SART1: variants seen among roughly 807,000 people sequenced by gnomAD.
SART1 encodes spliceosome associated factor 1, recruiter of U4/U6.U5 tri-snRNP.
A neutral mutation model predicts 105.0 loss-of-function variants in SART1; 28 were observed. The observed-to-expected ratio is 0.27, with a 90% CI of 0.20 to 0.37. SART1 has a LOEUF of 0.37. SART1 is among the 10% of genes least tolerant of loss of function. SART1 has a pLI of 1.00. For missense variants in SART1, 894 were observed against 1,106.5 expected (o/e 0.81, Z 2.72); for synonymous variants, 472 against 462.9 (o/e 1.02, Z -0.25).
In SART1 at chr11:65,965,138, T is replaced by G; in HGVS notation, c.474T>G (p.Pro158=). 1.9e-6 allele frequency: 3 copies of G among 1,600,610 alleles called. No homozygotes were observed. Among genetic ancestry groups the G allele is most frequent in the Non-Finnish European group, 2.5e-6 (3 of 1,176,848 alleles). The change falls in exon 4 of 20, where the codon CCT becomes CCG. Residue 158 remains proline, a synonymous_variant. Transcript: ENST00000312397. ...CCGTGACAGCTGATGTCATCAACCCTATGGCCTTGCGACAGCGAGAGGAGC... is the reference window on the plus strand; with the variant it reads ...CCGTGACAGCTGATGTCATCAACCCGATGGCCTTGCGACAGCGAGAGGAGC... The part of the protein sequence containing the change: ...EEPVTADVIN[P]MALRQREELR...
chr11:65,970,240 G>A (rs1855345512), intron 12 of SART1, among the ~76,000 whole-genome samples: 1 of 152,140 alleles, frequency 6.6e-6, no homozygotes, highest in Non-Finnish European at 1.5e-5. Context: ...GGCGAAATCA[G>A]GGCCTTCTCC....
At position 65,966,419 on chromosome 11, in the gene SART1, T is replaced by G; in HGVS notation, c.1051T>G (p.Leu351Val). The change falls in exon 9 of 20, where the codon TTG becomes GTG. Residue 351 changes from leucine to valine, a missense_variant. Around this residue, in one of 2 missense-constraint regions of SART1, gnomAD observed 712 missense variants for 778.2 expected, o/e 0.91. Coordinates refer to ENST00000312397, the MANE Select transcript of SART1 (RefSeq NM_005146.5). ...AGGGGAGCGGCCACATTCCTTCCGC[T>G]TGGAGCAGGGCGGCACGGCTGATGG... ...LEGERPHSFR[L>V]EQGGTADGLR... 3.1e-6 allele frequency: 5 copies of G among 1,613,872 alleles called. No homozygotes were observed. The highest frequency in any genetic ancestry group is 4.2e-6 in the Non-Finnish European group (5 of 1,180,018).
rs573722961 is a variant in SART1, at chr11:65,978,963, G to A, written c.2384+49G>A. ...GTAGGGTGTGGTGGGGAGGGGTGGC[G>A]TGGCCTGTGCCCGCCTCTGCAGCCT... On this transcript the variant is annotated intron_variant, in intron 19 of 19. Coordinates refer to ENST00000312397, the MANE Select transcript of SART1 (RefSeq NM_005146.5). The surrounding 1 kb of genome is among the most constrained non-coding windows in gnomAD (Gnocchi z 6.8). The A allele has an allele frequency of 4.3e-6, 7 of 1,613,410 alleles. No individual in the cohort carries two copies. In the East Asian group the frequency reaches 8.9e-5, roughly 21 times the overall value.
At position 65,964,401 on chromosome 11, in the gene SART1, A is replaced by C. The variant is rs973172866; in HGVS notation, c.372-114A>C. 29 of 1,282,386 alleles carry C rather than the reference A, an allele frequency of 2.3e-5. No homozygotes were observed. The Middle Eastern group carries it at 3.3e-3, about 147-fold the overall frequency. The allele number at this position is 1,282,386 out of a possible 1,614,324, so 79.4% of individuals were successfully genotyped here. A position where few individuals can be genotyped will look rare whatever the true frequency, so the allele number is the denominator to read the frequency against. On this transcript the variant is annotated intron_variant, in intron 2 of 19. Coordinates refer to ENST00000312397, the MANE Select transcript of SART1 (RefSeq NM_005146.5). ...CAGTGTCCTAGGCTGCCTGGGGCAG[A>C]CTTTGTGTTTGGGACCACTCACTCC...
intron 12 of SART1, among the ~76,000 whole-genome samples, chr11:65,969,981 CA>C (rs912291114): frequency 5.3e-5 from 8 of 152,196 alleles, no homozygotes; most frequent in African/African-American, 1.9e-4. Flanking sequence ...CTCAGCCTCC[CA>C]AAGTGCTGGA....
intron 1 of SART1, among the ~76,000 whole-genome samples, chr11:65,963,847 G>A (rs957593064): frequency 6.6e-6 from 1 of 152,224 alleles, no homozygotes; most frequent in African/African-American, 2.4e-5. Flanking sequence ...CAGTTTGGAT[G>A]TCTTGGGTCA....
Position 65,965,356 on chromosome 11 carries a change from T to C in SART1, c.569T>C (p.Leu190Pro). The part of the protein sequence containing the change: ...LNQKLGKIKT[L>P]GEDDPWLDDT... ...CCCCTCTTCAGGAAGATAAAGACCC[T>C]AGGAGAGGATGACCCCTGGCTGGAC... Residue 190 changes from leucine to proline, a missense_variant, in exon 5 of 20, where the codon CTA becomes CCA. Leu to Pro is a moderately conservative substitution (Grantham distance 98). Around this residue, in one of 2 missense-constraint regions of SART1, gnomAD observed 712 missense variants for 778.2 expected, o/e 0.91. Coordinates refer to ENST00000312397, the MANE Select transcript of SART1 (RefSeq NM_005146.5). The C allele has an allele frequency of 6.3e-7, 1 of 1,591,190 alleles. No individual in the cohort carries two copies. Among genetic ancestry groups the C allele is most frequent in the Non-Finnish European group, 8.6e-7 (1 of 1,168,878 alleles).
chr11:65,964,099 C>G lies in SART1; in HGVS notation c.339C>G (p.Gly113=), dbSNP rs890839912. ...CTGCCAGCTCCAAAACTAGCTCAGG[C>G]GATGCCTCCTCACTCAGCATCGAGG... The part of the protein sequence containing the change: ...EAAASSKTSS[G]DASSLSIEET... The change falls in exon 2 of 20, where the codon GGC becomes GGG. Residue 113 remains glycine (G), a synonymous_variant. Coordinates refer to ENST00000312397, the MANE Select transcript of SART1 (RefSeq NM_005146.5). 1 of 1,612,910 alleles carries G rather than the reference C, an allele frequency of 6.2e-7. No homozygotes were observed. Among genetic ancestry groups the G allele is most frequent in the Non-Finnish European group, 8.5e-7 (1 of 1,179,978 alleles).
chr11:65,974,742 A>C (rs935657991), intron 12 of SART1, among the ~76,000 whole-genome samples: 2 of 152,182 alleles, frequency 1.3e-5, no homozygotes, highest in African/African-American at 4.8e-5. Context: ...TCATTAAAAA[A>C]TAAGTGTTCC....
chr11:65,970,691 G>A lies in SART1; in HGVS notation c.1572+2870G>A, dbSNP rs375799235. ...ATGGGAGATGCTGTTCTGGAGAGTG[G>A]AGAGCAGATACACCCTGGGAGAAGA... is the stretch of plus-strand genomic sequence containing the variant. On this transcript the variant is annotated intron_variant, in intron 12 of 19. Transcript: ENST00000312397. 1.7e-4 allele frequency among the ~76,000 whole-genome samples: 26 copies of A among 151,234 alleles called. No homozygotes were observed. In the East Asian group the frequency reaches 4.7e-3, roughly 27 times the overall value.
intron 12 of SART1, among the ~76,000 whole-genome samples, chr11:65,974,953 T>C (rs1240429881): frequency 3.3e-5 from 5 of 151,630 alleles, no homozygotes; most frequent in Admixed American, 3.3e-4. Flanking sequence ...GGCAGGAGAA[T>C]GCTGTGAACC....
chr11:65,967,187 T>A (rs1342618709), intron 9 of SART1, 72 bp from the exon 10 acceptor site: 2 of 1,575,038 alleles, frequency 1.3e-6, no homozygotes, highest in Non-Finnish European at 1.7e-6. Context: ...AAAGAAGTGT[T>A]CACCCTCGAG....
intron 15 of SART1, 25 bp downstream of exon 15, chr11:65,977,126 CTT>C (rs1855498580): frequency 6.4e-7 from 1 of 1,562,308 alleles, no homozygotes; most frequent in Admixed American, 1.7e-5. Flanking sequence ...GCAGCCATGA[CTT>C]GGGTGGGCTT....
rs1037374020 is a variant in SART1 at position 65,978,554 on chromosome 11, G to T, written c.2173-46G>T. 1.9e-6 allele frequency: 3 copies of T among 1,541,562 alleles called. No homozygotes were observed. Among genetic ancestry groups the T allele is most frequent in the South Asian group, 2.4e-5 (2 of 83,870 alleles). ...CACCTTGTGGGCACAGGTGGCTCCG[G>T]CCCCACCCAGGGCCCTGCATCTCCT... On this transcript the variant is annotated intron_variant, in intron 17 of 19. Transcript: ENST00000312397. This position sits in a 1 kb window ranked among gnomAD's most constrained non-coding sequence, Gnocchi z 6.8.
intron 2 of SART1, 86 bp from the exon 3 acceptor site, chr11:65,964,429 C>T: frequency 6.6e-7 from 1 of 1,505,210 alleles, no homozygotes; most frequent in Non-Finnish European, 9.2e-7. Context: ...CTCACTCCCA[C>T]CCTGTTTCTC....
chr11:65,979,023 C>T lies in SART1; in HGVS notation c.2396C>T (p.Thr799Ile). 2 of 1,614,156 alleles carry T rather than the reference C, an allele frequency of 1.2e-6. No individual in the cohort carries two copies. The highest frequency in any genetic ancestry group is 1.7e-6 in the Non-Finnish European group (2 of 1,180,024). ...SGKSMNANTITK is the reference protein window; with the variant it reads ...SGKSMNANTIIK ...GTTCTTCTCTGCAGGAACACCATCACCAAGTGACAGCGCCCTCCCGCCCCG... is the reference window on the plus strand; with the variant it reads ...GTTCTTCTCTGCAGGAACACCATCATCAAGTGACAGCGCCCTCCCGCCCCG... Residue 799 changes from threonine to isoleucine, a missense_variant, in exon 20 of 20, where the codon ACC becomes ATC. Thr to Ile is a moderately conservative substitution (Grantham distance 89, BLOSUM62 -1). Coordinates refer to ENST00000312397, the MANE Select transcript of SART1 (RefSeq NM_005146.5).
At chr11:65,963,039 G>A (rs1348706777) in intron 1 of SART1, among the ~76,000 whole-genome samples, 1 of 152,070 alleles carries the variant, frequency 6.6e-6, no homozygotes, top group Admixed American at 6.6e-5. Flanking sequence ...ATGGTAATGG[G>A]GAAATCCAGA....
intron 3 of SART1, 142 bp downstream of exon 3, chr11:65,964,712 T>C: frequency 2.4e-6 from 2 of 819,138 alleles, no homozygotes; most frequent in Non-Finnish European, 1.9e-6. Context: ...AGGTCCCTCC[T>C]TGCTGGTATA....
intron 12 of SART1, among the ~76,000 whole-genome samples, chr11:65,974,204 A>T (rs1855436054): frequency 6.8e-6 from 1 of 147,632 alleles, no homozygotes; most frequent in African/African-American, 2.5e-5. Context: ...CTACTAAAAA[A>T]AAAAAAAAAA....
Sources: gnomAD v4.1 joint callset for allele counts (sites outside exome capture counted in the v4.1 genomes callset) on GRCh38, gnomAD v4.1.1 for gene constraint, gnomAD v4.1.1 regional missense constraint, Gnocchi (gnomAD v3.1) non-coding constraint, MANE v1.5 for transcripts, NCBI Gene and HGNC (gene_info 2026-07-23, HGNC 2026-07-21) for gene names.